DROSHA: variants seen among roughly 807,000 people sequenced by gnomAD.
DROSHA encodes the protein drosha ribonuclease III, also known as ribonuclease 3.
DROSHA carries 56 observed loss-of-function variants against 181.9 expected under a neutral mutation model. The ratio of observed to expected loss-of-function variants is 0.31; its 90% CI spans 0.25 to 0.38. The LOEUF is 0.38. Among genes scored for constraint, DROSHA ranks in the 10% least tolerant of loss-of-function variants. DROSHA has a pLI of 1.00. For missense variants in DROSHA, 1,218 were observed against 1,743.5 expected (o/e 0.70, Z 5.37); for synonymous variants, 524 against 591.2 (o/e 0.89, Z 1.65).
At chr5:31,480,084 G>C (rs1750845844) in intron 16 of DROSHA, among the ~76,000 whole-genome samples, 1 of 149,718 alleles carries the variant, frequency 6.7e-6, no homozygotes, top group Admixed American at 6.7e-5. Flanking sequence ...TAATAAAATG[G>C]AGCACTATTT....
intron 30 of DROSHA, among the ~76,000 whole-genome samples, chr5:31,418,215 T>TG (rs1395249692): frequency 5.4e-5 from 8 of 149,524 alleles, no homozygotes; most frequent in South Asian, 2.1e-4. Flanking sequence ...TCTATGTGTG[T>TG]GTGGTGTGTG....
At position 31,515,101 on chromosome 5, in the gene DROSHA, C is replaced by T. The variant is rs151137891; in HGVS notation, c.1177G>A (p.Glu393Lys). ...TCATTCTTGTCAGGCATGGTCTCCT[C>T]GGGCTCTTTTTCCTTGATTGAGGTA... ...NYTSIKEKEPEETMPDKNEEE... is the reference protein window; with the variant it reads ...NYTSIKEKEPKETMPDKNEEE... Residue 393 changes from glutamate to lysine, a missense_variant, in exon 8 of 36, where the codon GAG (glutamate) becomes AAG (lysine). By Grantham distance (56) the Glu-to-Lys change is moderately conservative. Coordinates refer to ENST00000344624, the MANE Select transcript of DROSHA (RefSeq NM_001382508.1). 3.1e-6 allele frequency: 5 copies of T among 1,613,942 alleles called. No individual in the cohort carries two copies. The highest frequency in any genetic ancestry group is 1.3e-5 in the African/African-American group (1 of 75,022).
At chr5:31,515,931 A>G (rs112673632) in intron 6 of DROSHA, among the ~76,000 whole-genome samples, 1,708 of 152,252 alleles carry the variant, frequency 0.011, 28 homozygotes, top group African/African-American at 0.038. Flanking sequence ...ATCTGCAAAG[A>G]CCCATCCTAT....
At chr5:31,516,853 G>A (rs1251252927) in intron 6 of DROSHA, among the ~76,000 whole-genome samples, 1 of 151,990 alleles carries the variant, frequency 6.6e-6, no homozygotes, top group Non-Finnish European at 1.5e-5. Flanking sequence ...ACTAATAATA[G>A]TCATTTAGGT....
Position 31,526,689 on chromosome 5 carries a change from G to A in DROSHA, c.244C>T (p.Pro82Ser), listed in dbSNP as rs754110575. 8.6e-6 allele frequency: 13 copies of A among 1,520,072 alleles called. No homozygotes were observed. The highest frequency in any genetic ancestry group is 5.3e-5 in the South Asian group (4 of 75,692). The allele number at this position is 1,520,072 out of a possible 1,614,324, so 94.2% of individuals were successfully genotyped here. ...LPPRPDFVPF[P>S]PPMPPSAQGP... ...TGCGCTGACGGAGGCATGGGTGGGGGGAAGGGTACAAAGTCTGGTCGTGGA... is the reference window on the plus strand; with the variant it reads ...TGCGCTGACGGAGGCATGGGTGGGGAGAAGGGTACAAAGTCTGGTCGTGGA... The change falls in exon 5 of 36, where the codon CCC (proline) becomes TCC (serine). Residue 82 changes from proline to serine, a missense_variant. Around this residue, in one of 8 missense-constraint regions of DROSHA, gnomAD observed 536 missense variants for 535.4 expected, o/e 1.00. Coordinates refer to ENST00000344624, the MANE Select transcript of DROSHA (RefSeq NM_001382508.1).
At position 31,511,220 on chromosome 5, in the gene DROSHA, G is replaced by A. The variant is rs371599816; in HGVS notation, c.1291-44C>T. 1.5e-4 allele frequency: 233 copies of A among 1,557,922 alleles called. 2 individuals carry two copies. In the East Asian group the frequency reaches 1.7e-3, roughly 11 times the overall value. On this transcript the variant is annotated intron_variant, in intron 8 of 35. Transcript: ENST00000344624. ...CAATATTAGGAACTATATCAATAACGATCATATCAAAGATATGTAAGATCT... is the reference window on the plus strand; with the variant it reads ...CAATATTAGGAACTATATCAATAACAATCATATCAAAGATATGTAAGATCT...
intron 35 of DROSHA, among the ~76,000 whole-genome samples, chr5:31,403,287 T>G (rs1444333011): frequency 6.6e-6 from 1 of 152,200 alleles, no homozygotes. Context: ...AAAATCAAAT[T>G]TGCATTTGAA....
Position 31,514,486 on chromosome 5 carries a change from A to T in DROSHA, c.1290+502T>A, listed in dbSNP as rs1051325674. Among the ~76,000 whole-genome samples, 2 of 151,402 alleles carry T rather than the reference A, an allele frequency of 1.3e-5. No homozygotes were observed. Among genetic ancestry groups the T allele is most frequent in the Non-Finnish European group, 3.0e-5 (2 of 67,796 alleles). The stretch of plus-strand genomic sequence containing the variant: ...TATGACCTCATCTCTACTAAAAAAT[A>T]AAAAAAAATTAGCCAGTCATGGTGG... On this transcript the variant is annotated intron_variant, in intron 8 of 35. Transcript: ENST00000344624. This position sits in a 1 kb window ranked among gnomAD's most constrained non-coding sequence, Gnocchi z 4.4.
chr5:31,530,562 A>G (rs1293446566), intron 3 of DROSHA, among the ~76,000 whole-genome samples: 1 of 149,434 alleles, frequency 6.7e-6, no homozygotes. Flanking sequence ...CACCCTAGGC[A>G]GAGGTTGCAG....
chr5:31,463,272 G>T (rs1748607500), intron 20 of DROSHA, among the ~76,000 whole-genome samples: 1 of 152,124 alleles, frequency 6.6e-6, no homozygotes, highest in Admixed American at 6.5e-5. Flanking sequence ...TCATCTTAAT[G>T]CAAAAATAGT....
intron 16 of DROSHA, among the ~76,000 whole-genome samples, chr5:31,476,620 T>TA (rs1172362776): frequency 6.6e-6 from 1 of 152,114 alleles, no homozygotes; most frequent in Non-Finnish European, 1.5e-5. Flanking sequence ...TTTACCACTG[T>TA]AAAAAAGTAG....
At position 31,409,680 on chromosome 5, in the gene DROSHA, A is replaced by G. The variant is rs765124934; in HGVS notation, c.3668-348T>C. On this transcript the variant is annotated intron_variant, in intron 31 of 35. Coordinates refer to ENST00000344624, the MANE Select transcript of DROSHA (RefSeq NM_001382508.1). The surrounding 1 kb of genome is among the most constrained non-coding windows in gnomAD (Gnocchi z 4.0). ...AGTCAAAATATTACTTGAAGATTAGATATGATGCCAGAATACGCACATTCT... is the reference window on the plus strand; with the variant it reads ...AGTCAAAATATTACTTGAAGATTAGGTATGATGCCAGAATACGCACATTCT... The G allele has an allele frequency of 8.1e-5, 15 of 185,782 alleles. No homozygotes were observed. The highest frequency in any genetic ancestry group is 1.1e-4 in the Non-Finnish European group (10 of 87,812). 11.5% of individuals were successfully genotyped at this position (185,782 alleles called of 1,614,324 possible). A position where few individuals can be genotyped will look rare whatever the true frequency, so the allele number is the denominator to read the frequency against.
At chr5:31,480,703 A>T (rs1209399500) in intron 16 of DROSHA, among the ~76,000 whole-genome samples, 4 of 152,222 alleles carry the variant, frequency 2.6e-5, no homozygotes, top group Non-Finnish European at 5.9e-5. Context: ...AGGCATTATT[A>T]TGACCAATTA....
rs58316191 is a variant in DROSHA, at chr5:31,431,366, C to CAAAAAA, written c.3145+204_3145+209dup. Among the ~76,000 whole-genome samples the CAAAAAA allele has an allele frequency of 8.2e-4, 47 of 57,654 alleles. 1 individual carries two copies. The highest frequency in any genetic ancestry group is 1.6e-3 in the Admixed American group (7 of 4,292). 37.8% of individuals were successfully genotyped at this position (57,654 alleles called of 152,430 possible). A position where few individuals can be genotyped will look rare whatever the true frequency, so the allele number is the denominator to read the frequency against. ...AGACACCAATTCAGGCAGTAGAATGCAAAAAAAAAAAAAAAAAAAAAAAGA... is the reference window on the plus strand; with the variant it reads ...AGACACCAATTCAGGCAGTAGAATGCAAAAAAAAAAAAAAAAAAAAAAAAAAAAAGA... On this transcript the variant is annotated intron_variant, in intron 26 of 35. Transcript: ENST00000344624.
At chr5:31,445,194 T>C (rs1393710478) in intron 23 of DROSHA, among the ~76,000 whole-genome samples, 1 of 152,194 alleles carries the variant, frequency 6.6e-6, no homozygotes, top group African/African-American at 2.4e-5. Context: ...GCTTTCCAAA[T>C]AGAACCTGCT....
chr5:31,453,789 T>G (rs1747313346), intron 20 of DROSHA, among the ~76,000 whole-genome samples: 1 of 152,188 alleles, frequency 6.6e-6, no homozygotes, highest in Non-Finnish European at 1.5e-5. Flanking sequence ...GTGTCCATCT[T>G]GAATCCCAGA....
Position 31,422,768 on chromosome 5 carries a change from A to G in DROSHA, c.3419+19T>C, listed in dbSNP as rs779133967. 1.3e-5 allele frequency: 21 copies of G among 1,613,298 alleles called. No homozygotes were observed. In the Admixed American group the frequency reaches 2.8e-4, roughly 22 times the overall value. On this transcript the variant is annotated intron_variant, in intron 29 of 35. Transcript: ENST00000344624. ...ATCTAAATGGTCACATTGGGACTAC[A>G]TGAGAACTTTTAACTCACAGGGTCA...
chr5:31,471,611 T>C (rs1317714737), intron 17 of DROSHA, among the ~76,000 whole-genome samples: 1 of 152,058 alleles, frequency 6.6e-6, no homozygotes, highest in Non-Finnish European at 1.5e-5. Flanking sequence ...GATCAAAGGA[T>C]ATTAACAAGC....
At chr5:31,433,551 T>C (rs1014194557) in intron 25 of DROSHA, among the ~76,000 whole-genome samples, 1 of 152,172 alleles carries the variant, frequency 6.6e-6, no homozygotes, top group African/African-American at 2.4e-5. Flanking sequence ...ACAACTTCTT[T>C]TTTTTTTCTT....
Sources: gnomAD v4.1 joint callset for allele counts (sites outside exome capture counted in the v4.1 genomes callset) on GRCh38, gnomAD v4.1.1 for gene constraint, gnomAD v4.1.1 regional missense constraint, Gnocchi (gnomAD v3.1) non-coding constraint, MANE v1.5 for transcripts, NCBI Gene and HGNC (gene_info 2026-07-23, HGNC 2026-07-21) for gene names.